The following CADM2 variants were observed in gnomAD, a reference collection of about 807,000 sequenced individuals.
The protein encoded by CADM2 is immunoglobulin superfamily member 4D.
In CADM2, 12 loss-of-function variants were observed where a neutral mutation model predicts 49.8. The observed-to-expected ratio is 0.24, with a 90% CI of 0.15 to 0.39. The LOEUF is 0.39. Ranked by LOEUF, CADM2 falls within the 10% of genes least tolerant of loss-of-function variation. CADM2 has a pLI of 1.00. For synonymous variants in CADM2, 214 were observed against 175.4 expected (o/e 1.22, Z -1.74); for missense variants, 378 against 492.3 (o/e 0.77, Z 2.20).
intron 1 of CADM2, among the ~76,000 whole-genome samples, chr3:85,230,327 T>G (rs2042258308): frequency 6.6e-6 from 1 of 152,210 alleles, no homozygotes. Flanking sequence ...ATTATATAGC[T>G]AAGCCTAAAT....
At chr3:85,519,797 T>A (rs2060989733) in intron 1 of CADM2, among the ~76,000 whole-genome samples, 1 of 152,106 alleles carries the variant, frequency 6.6e-6, no homozygotes. Flanking sequence ...AAATAGTGAA[T>A]ACTTTGGCAA....
intron 8 of CADM2, among the ~76,000 whole-genome samples, chr3:85,991,094 T>A (rs1472184892): frequency 6.6e-6 from 1 of 152,096 alleles, no homozygotes; most frequent in African/African-American, 2.4e-5. Context: ...AGAAATATTG[T>A]CACAGGGACT....
rs1454333794 is a variant in CADM2 at position 85,605,260 on chromosome 3, A to T, written c.62-121262A>T. On this transcript the variant is annotated intron_variant, in intron 1 of 9. Transcript: ENST00000383699. ...AAGTACAACTGAAGGACCTCACAAA[A>T]CTCAGAAAGGCAAATTCCTGTGGTC... is the stretch of plus-strand genomic sequence containing the variant. 3.9e-5 allele frequency among the ~76,000 whole-genome samples: 6 copies of T among 152,028 alleles called. No individual in the cohort carries two copies. The East Asian group carries it at 1.2e-3, about 29-fold the overall frequency.
intron 1 of CADM2, among the ~76,000 whole-genome samples, chr3:85,573,820 A>C (rs2062552049): frequency 1.3e-5 from 2 of 152,108 alleles, no homozygotes; most frequent in South Asian, 4.1e-4. Flanking sequence ...ATGTCTAATC[A>C]CTTTAATTAA....
intron 5 of CADM2, among the ~76,000 whole-genome samples, chr3:85,896,050 T>C (rs1295164641): frequency 6.6e-6 from 1 of 152,162 alleles, no homozygotes; most frequent in Non-Finnish European, 1.5e-5. Flanking sequence ...CAGCCCTTTG[T>C]GGGGCTGAGG....
At chr3:84,969,070 A>C (rs949639122) in intron 1 of CADM2, among the ~76,000 whole-genome samples, 1 of 151,974 alleles carries the variant, frequency 6.6e-6, no homozygotes, top group Non-Finnish European at 1.5e-5. Context: ...TGTATGTGTT[A>C]TCACTTAACA....
At chr3:85,739,926 T>G (rs1347540777) in intron 2 of CADM2, among the ~76,000 whole-genome samples, 1 of 152,160 alleles carries the variant, frequency 6.6e-6, no homozygotes, top group Non-Finnish European at 1.5e-5. Context: ...TCCAGCTATT[T>G]AGAGTAATAT....
At chr3:85,942,486 C>T (rs1197683938) in intron 7 of CADM2, among the ~76,000 whole-genome samples, 2 of 119,150 alleles carry the variant, frequency 1.7e-5, no homozygotes, top group African/African-American at 2.8e-5. Flanking sequence ...CCTCCCCCCT[C>T]CCCCCACCCC....
intron 2 of CADM2, among the ~76,000 whole-genome samples, chr3:85,793,126 G>A (rs147338549): frequency 7.2e-5 from 11 of 152,084 alleles, no homozygotes; most frequent in African/African-American, 2.4e-4. Context: ...TATGACAGAT[G>A]GCAACATTGA....
intron 1 of CADM2, among the ~76,000 whole-genome samples, chr3:85,383,525 T>TATATATAC (rs2034027338): frequency 7.0e-6 from 1 of 142,924 alleles, no homozygotes; most frequent in Non-Finnish European, 1.5e-5. Flanking sequence ...TGTATATATA[T>TATATATAC]ATATATATAT....
At chr3:85,079,601 C>T (rs1041661936) in intron 1 of CADM2, among the ~76,000 whole-genome samples, 14 of 151,530 alleles carry the variant, frequency 9.2e-5, no homozygotes, top group Admixed American at 2.0e-4. Context: ...ATAAGAAAAT[C>T]GTATAATAAT....
chr3:85,708,885 C>A (rs1389827118), intron 1 of CADM2, among the ~76,000 whole-genome samples: 1 of 151,692 alleles, frequency 6.6e-6, no homozygotes, highest in African/African-American at 2.4e-5. Flanking sequence ...ATGTGTGGGA[C>A]AGTTCAGATT....
At chr3:84,971,301 G>C (rs17022138) in intron 1 of CADM2, among the ~76,000 whole-genome samples, 12,214 of 152,100 alleles carry the variant, frequency 0.08, 689 homozygotes, top group Admixed American at 0.19. Flanking sequence ...AAAAAGTATT[G>C]ATTTTACGGA....
intron 3 of CADM2, among the ~76,000 whole-genome samples, chr3:85,806,995 CACAG>C (rs1179263514): frequency 2.0e-5 from 3 of 152,146 alleles, no homozygotes; most frequent in Non-Finnish European, 2.9e-5. Context: ...GATATTTCTT[CACAG>C]ACATTCAGCT....
intron 8 of CADM2, chr3:86,013,352 A>G (rs1337675034): frequency 6.5e-7 from 1 of 1,541,402 alleles, no homozygotes; most frequent in Non-Finnish European, 8.9e-7. Flanking sequence ...CTCTATTTGA[A>G]TTATTGATTC....
intron 1 of CADM2, among the ~76,000 whole-genome samples, chr3:85,045,553 T>G (rs1161833585): frequency 1.3e-5 from 2 of 152,144 alleles, no homozygotes; most frequent in East Asian, 1.9e-4. Flanking sequence ...TGGATAGATT[T>G]TGTGTATACT....
intron 1 of CADM2, among the ~76,000 whole-genome samples, chr3:85,088,512 G>A (rs1017888304): frequency 2.6e-5 from 4 of 151,938 alleles, no homozygotes; most frequent in Admixed American, 2.6e-4. Context: ...TATTTTTCTG[G>A]CATATAAGAT....
At chr3:85,083,726 C>A (rs2037261975) in intron 1 of CADM2, among the ~76,000 whole-genome samples, 1 of 152,042 alleles carries the variant, frequency 6.6e-6, no homozygotes, top group Non-Finnish European at 1.5e-5. Flanking sequence ...TCTCCTTGAT[C>A]ATTTTTTTGT....
At chr3:85,309,990 A>G (rs1319136843) in intron 1 of CADM2, among the ~76,000 whole-genome samples, 1 of 152,042 alleles carries the variant, frequency 6.6e-6, no homozygotes, top group Non-Finnish European at 1.5e-5. Context: ...TTAGACAAAG[A>G]CTCTTGCTAT....
Sources: allele counts gnomAD v4.1 joint callset (sites outside exome capture counted in the v4.1 genomes callset), GRCh38; gene constraint gnomAD v4.1.1; transcripts MANE v1.5; gene names NCBI Gene and HGNC (gene_info 2026-07-23, HGNC 2026-07-21).